BTN2A1: variants seen among roughly 807,000 people sequenced by gnomAD.
BTN2A1 encodes butyrophilin subfamily 2 member A1.
A neutral mutation model predicts 34.5 loss-of-function variants in BTN2A1; 41 were observed. The observed-to-expected ratio is 1.19, with a 90% CI of 0.93 to 1.54. The LOEUF is 1.54. Ranked by LOEUF, BTN2A1 falls within the 40% of genes most tolerant of loss-of-function variation. BTN2A1 has a pLI of 0.00. For synonymous variants in BTN2A1, 267 were observed against 258.6 expected, an observed-to-expected ratio of 1.03 and a Z score of -0.31; for missense variants, 642 against 662.0, an observed-to-expected ratio of 0.97 and a Z score of 0.33.
In BTN2A1 at chr6:26,458,816, C is replaced by G; in HGVS notation, c.82+98C>G. 1.4e-5 allele frequency: 20 copies of G among 1,442,836 alleles called. No individual in the cohort carries two copies. In the South Asian group the frequency reaches 2.3e-4, roughly 17 times the overall value. 89.4% of individuals were successfully genotyped at this position (1,442,836 alleles called of 1,614,324 possible). A position where few individuals can be genotyped will look rare whatever the true frequency, so the allele number is the denominator to read the frequency against. The stretch of plus-strand genomic sequence containing the variant: ...GAAAGAAGGACTGTGGAGTTGTTGA[C>G]TTACCCTTTCATTCTGAACATGTTC... On this transcript the variant is annotated intron_variant, in intron 2 of 7. Coordinates refer to ENST00000312541, the MANE Select transcript of BTN2A1 (RefSeq NM_007049.5).
chr6:26,463,160 C>G (rs1013447862), intron 3 of BTN2A1, 84 bp from the exon 4 acceptor site: 1 of 1,425,978 alleles, frequency 7.0e-7, no homozygotes, highest in African/African-American at 1.4e-5. Context: ...CCTTTACTTT[C>G]TAGCTTCACA....
In BTN2A1 at chr6:26,468,174, T is replaced by C. The variant is rs985408747; in HGVS notation, c.1209T>C (p.Cys403=). 1 of 1,614,082 alleles carries C rather than the reference T, an allele frequency of 6.2e-7. No individual in the cohort carries two copies. The highest frequency in any genetic ancestry group is 8.5e-7 in the Non-Finnish European group (1 of 1,179,998). ...TGATTGAGTGGACTGTGGGGGTCTG[T>C]AGAGACAGTGTTGAGAGGAAAGGGG... The part of the protein sequence containing the change: ...ENVIEWTVGV[C]RDSVERKGEV... The change falls in exon 8 of 8, where the codon TGT becomes TGC. Residue 403 remains cysteine (C), a synonymous_variant. Transcript: ENST00000312541.
rs568648632 is a variant in BTN2A1, at chr6:26,465,047, A to G, written c.713-138A>G. ...TGTCAGCCAGGTGTGAGCCAGCATC[A>G]CTTTCTCCATCTGAGTTTTCTGAGG... On this transcript the variant is annotated intron_variant, in intron 4 of 7. Transcript: ENST00000312541. 187 of 726,016 alleles carry G rather than the reference A, an allele frequency of 2.6e-4. 3 individuals carry two copies. In the South Asian group the frequency reaches 3.3e-3, roughly 13 times the overall value. The allele number at this position is 726,016 out of a possible 1,614,324, so 45.0% of individuals were successfully genotyped here. A position where few individuals can be genotyped will look rare whatever the true frequency, so the allele number is the denominator to read the frequency against.
chr6:26,459,446 G>A (rs1400404610), intron 2 of BTN2A1, 35 bp from the exon 3 acceptor site: 4 of 1,594,826 alleles, frequency 2.5e-6, no homozygotes, highest in Non-Finnish European at 3.4e-6. Context: ...GTGATGGCTG[G>A]TGTCTTTGTC....
chr6:26,464,377 G>A (rs1319037484), intron 4 of BTN2A1, among the ~76,000 whole-genome samples: 1 of 152,192 alleles, frequency 6.6e-6, no homozygotes, highest in African/African-American at 2.4e-5. Context: ...TGATTAGTTA[G>A]CTAACCATAT....
Position 26,458,673 on chromosome 6 carries a change from G to A in BTN2A1, c.37G>A (p.Ala13Thr), listed in dbSNP as rs759454614. The A allele has an allele frequency of 3.1e-6, 5 of 1,613,990 alleles. No homozygotes were observed. The highest frequency in any genetic ancestry group is 3.4e-6 in the Non-Finnish European group (4 of 1,179,980). ...SAAALHFSRP[A>T]SLLLLLLSLC... ...TGCTGCCCTGCACTTCTCCCGGCCA[G>A]CCTCCCTCCTCCTCCTCCTCCTCAG... Residue 13 changes from alanine (A) to threonine (T), a missense_variant, in exon 2 of 8, where the codon GCC becomes ACC. Physicochemically the swap from Ala to Thr is moderately conservative, Grantham distance 58. Transcript: ENST00000312541.
downstream of BTN2A1, among the ~76,000 whole-genome samples, chr6:26,474,489 T>A (rs1327670829): frequency 6.6e-6 from 1 of 152,198 alleles, no homozygotes; most frequent in Non-Finnish European, 1.5e-5. Flanking sequence ...ATTACCTTTT[T>A]TTGTGGGCTA....
chr6:26,461,379 A>G (rs1167040905), intron 3 of BTN2A1, among the ~76,000 whole-genome samples: 1 of 152,132 alleles, frequency 6.6e-6, no homozygotes, highest in Admixed American at 6.5e-5. Context: ...CCTGTATTGA[A>G]CCTCATAGAA....
chr6:26,476,235 C>A, exon 8 of BTN2A1: 1 of 1,460,706 alleles, frequency 6.8e-7, no homozygotes, highest in Non-Finnish European at 9.3e-7. Flanking sequence ...GATTCAGATG[C>A]AAATGACCAG....
intron 4 of BTN2A1, among the ~76,000 whole-genome samples, chr6:26,464,698 G>A (rs546465860): frequency 3.3e-5 from 5 of 152,320 alleles, no homozygotes; most frequent in African/African-American, 4.8e-5. Context: ...TGAATTCACA[G>A]AGGCAATGAA....
chr6:26,466,000 T>G (rs377208494), intron 6 of BTN2A1, 27 bp downstream of exon 6: 1 of 1,614,218 alleles, frequency 6.2e-7, no homozygotes. Context: ...CTTAACTACA[T>G]GTACAATTTG....
At chr6:26,465,058 C>A in intron 4 of BTN2A1, 127 bp from the exon 5 acceptor site, 1 of 783,966 alleles carries the variant, frequency 1.3e-6, no homozygotes, top group Non-Finnish European at 2.1e-6. Flanking sequence ...CTTTCTCCAT[C>A]TGAGTTTTCT....
chr6:26,458,538 G>C, intron 1 of BTN2A1, 69 bp from the exon 2 acceptor site: 2 of 1,269,090 alleles, frequency 1.6e-6, no homozygotes, highest in East Asian at 2.3e-5. Context: ...CTTGAGTGAC[G>C]GGAGAGGTTG....
Position 26,476,293 on chromosome 6 carries a change from C to T in BTN2A1, c.*161C>T, listed in dbSNP as rs1763537326. The T allele has an allele frequency of 1.4e-5, 13 of 934,834 alleles. No homozygotes were observed. In the East Asian group the frequency reaches 2.9e-4, roughly 21 times the overall value. 57.9% of individuals were successfully genotyped at this position (934,834 alleles called of 1,614,324 possible). ...TGCTGAGCGGGTCTGTAGAGCCCAT[C>T]GCTCTCTCCTGTCTATTCATCAGCT... On this transcript the variant is annotated 3_prime_UTR_variant, in exon 8 of 8. Transcript: ENST00000469185.
exon 8 of BTN2A1, chr6:26,476,333 G>A: frequency 1.3e-6 from 1 of 780,196 alleles, no homozygotes; most frequent in Non-Finnish European, 2.3e-6. Flanking sequence ...TGAAGCTCCT[G>A]ACAGACTCAC....
intron 3 of BTN2A1, among the ~76,000 whole-genome samples, chr6:26,460,484 T>A (rs1285800250): frequency 6.6e-6 from 1 of 152,190 alleles, no homozygotes; most frequent in Non-Finnish European, 1.5e-5. Context: ...AGAGAAAGAC[T>A]ACGAATTTTG....
chr6:26,463,756 T>C (rs1283237110), intron 4 of BTN2A1, among the ~76,000 whole-genome samples: 1 of 142,966 alleles, frequency 7.0e-6, no homozygotes, highest in African/African-American at 2.9e-5. Context: ...TTTTTGTTGT[T>C]GTTGTTGTTG....
rs147859702 is a variant in BTN2A1, at chr6:26,459,698, C to T, written c.300C>T (p.Ser100=). The T allele has an allele frequency of 2.1e-5, 34 of 1,614,038 alleles. No individual in the cohort carries two copies. The highest frequency in any genetic ancestry group is 4.0e-5 in the African/African-American group (3 of 74,894). Residue 100 remains serine, a synonymous_variant, in exon 3 of 8, where the codon AGC becomes AGT. Transcript: ENST00000312541. Reference sequence around the variant, plus strand: ...ACCGAGGAAGAACCACCTTTGTGAGCAAAGACATCAGCAGGGGCAGCGTGG... The same window carrying T: ...ACCGAGGAAGAACCACCTTTGTGAGTAAAGACATCAGCAGGGGCAGCGTGG... ...EEYRGRTTFV[S]KDISRGSVAL... is the part of the protein sequence containing the mutation.
At chr6:26,470,668 TTCTCTCTCTC>T (rs149184891), downstream of BTN2A1, among the ~76,000 whole-genome samples, 55 of 151,224 alleles carry the variant, frequency 3.6e-4, no homozygotes, top group Non-Finnish European at 5.5e-4. Context: ...GAAAGGTGAA[TTCTCTCTCTC>T]TCTCTGTCTC....
Sources: gnomAD v4.1 joint callset for allele counts (sites outside exome capture counted in the v4.1 genomes callset) on GRCh38, gnomAD v4.1.1 for gene constraint, MANE v1.5 for transcripts, NCBI Gene and HGNC (gene_info 2026-07-23, HGNC 2026-07-21) for gene names.